HHLA1: variants seen among roughly 807,000 people sequenced by gnomAD.
HHLA1 encodes the protein HHLA1 neighbor of OC90.
Under a neutral mutation model 69.9 loss-of-function variants are expected in HHLA1, and 72 were observed. The observed-to-expected ratio is 1.03, with a 90% CI of 0.85 to 1.25. The LOEUF is 1.25. Ranked by LOEUF, HHLA1 falls within the 50% of genes most tolerant of loss-of-function variation. The probability of loss-of-function intolerance (pLI) is 0.00; values close to 1 mark genes in which losing one functional copy is unlikely to be tolerated. For missense variants in HHLA1, 685 were observed against 642.2 expected (o/e 1.07, Z -0.72); for synonymous variants, 252 against 233.2 (o/e 1.08, Z -0.73).
In HHLA1 at chr8:132,076,182, G is replaced by A. The variant is rs1003898633; in HGVS notation, c.1241-53C>T. On this transcript the variant is annotated intron_variant, in intron 13 of 16. Coordinates refer to ENST00000414222, the MANE Select transcript of HHLA1 (RefSeq NM_001145095.3). ...AAGTCAGAATGGAATTACCTTAGGT[G>A]ATACACACAGCAAGAAATTTATAAC... 27 of 1,210,154 alleles carry A rather than the reference G, an allele frequency of 2.2e-5. No homozygotes were observed. The African/African-American group carries it at 2.3e-4, about 10-fold the overall frequency. The allele number at this position is 1,210,154 out of a possible 1,614,324, so 75.0% of individuals were successfully genotyped here.
intron 16 of HHLA1, among the ~76,000 whole-genome samples, chr8:132,065,389 C>A (rs1823416198): frequency 6.6e-6 from 1 of 152,170 alleles, no homozygotes; most frequent in Non-Finnish European, 1.5e-5. Flanking sequence ...TCATGCCATT[C>A]TCCTGCCTCA....
intron 7 of HHLA1, among the ~76,000 whole-genome samples, chr8:132,090,296 C>T (rs1823927122): frequency 6.6e-6 from 1 of 152,168 alleles, no homozygotes; most frequent in South Asian, 2.1e-4. Flanking sequence ...TTCTTCTAGT[C>T]AAACAGCTGT....
At chr8:132,092,689 C>G (rs1236344724) in intron 7 of HHLA1, among the ~76,000 whole-genome samples, 1 of 152,224 alleles carries the variant, frequency 6.6e-6, no homozygotes, top group Admixed American at 6.5e-5. Context: ...AGCAGAAGCA[C>G]TCATGCTTCC....
intron 12 of HHLA1, among the ~76,000 whole-genome samples, 177 bp from the exon 13 acceptor site, chr8:132,076,720 A>G (rs1158285247): frequency 6.6e-6 from 1 of 152,158 alleles, no homozygotes; most frequent in Non-Finnish European, 1.5e-5. Context: ...AGTGTGAAAA[A>G]GGAAATGGGA....
At chr8:132,088,782 C>T (rs1167982023) in intron 8 of HHLA1, among the ~76,000 whole-genome samples, 1 of 152,228 alleles carries the variant, frequency 6.6e-6, no homozygotes, top group Non-Finnish European at 1.5e-5. Context: ...ATTTACTTAA[C>T]CCCTCTGTGA....
intron 14 of HHLA1, among the ~76,000 whole-genome samples, chr8:132,072,000 A>G (rs1003499083): frequency 1.3e-5 from 2 of 151,966 alleles, no homozygotes; most frequent in African/African-American, 2.4e-5. Flanking sequence ...GTGTGTGTGT[A>G]TGCACGTGCA....
intron 10 of HHLA1, among the ~76,000 whole-genome samples, chr8:132,082,396 C>T (rs1414321834): frequency 5.9e-5 from 9 of 152,158 alleles, no homozygotes; most frequent in Non-Finnish European, 1.0e-4. Context: ...GTGGTCCTGG[C>T]TCTTGTGTAA....
intron 14 of HHLA1, among the ~76,000 whole-genome samples, chr8:132,072,305 G>C (rs1256363015): frequency 6.6e-6 from 1 of 152,092 alleles, no homozygotes; most frequent in Non-Finnish European, 1.5e-5. Context: ...TCCTTATATG[G>C]AAAATAGGGA....
intron 10 of HHLA1, 85 bp downstream of exon 10, chr8:132,087,568 T>C: frequency 1.3e-6 from 1 of 796,192 alleles, no homozygotes; most frequent in Non-Finnish European, 2.1e-6. Context: ...ACACAACACC[T>C]GAGGGCAGCT....
At chr8:132,093,720 A>G (rs117778513) in intron 7 of HHLA1, among the ~76,000 whole-genome samples, 4,223 of 152,326 alleles carry the variant, frequency 0.028, 93 homozygotes, top group South Asian at 0.062. Flanking sequence ...CTCCAGGCAG[A>G]TTTAACTTTT....
At position 132,066,146 on chromosome 8, in the gene HHLA1, GGAA is replaced by G. The variant is rs146548284; in HGVS notation, c.1470-181_1470-179del. Among the ~76,000 whole-genome samples the G allele has an allele frequency of 9.7e-3, 1,483 of 152,264 alleles. 24 individuals carry two copies. The highest frequency in any genetic ancestry group is 0.034 in the African/African-American group (1,413 of 41,528). On this transcript the variant is annotated intron_variant, in intron 15 of 16. Transcript: ENST00000414222. The stretch of plus-strand genomic sequence containing the variant: ...GAGAGATAGGAAAGAAGGCTGGGTA[GGAA>G]GAAGTTCAGACTTTGGGGCCAGCAA...
chr8:132,072,604 T>A (rs538216841), intron 14 of HHLA1, among the ~76,000 whole-genome samples: 1 of 152,232 alleles, frequency 6.6e-6, no homozygotes, highest in African/African-American at 2.4e-5. Flanking sequence ...CCAACAAAGG[T>A]TCACTAATCA....
chr8:132,109,656 G>T (rs554401860), intron 1 of HHLA1, among the ~76,000 whole-genome samples: 1 of 152,184 alleles, frequency 6.6e-6, no homozygotes, highest in African/African-American at 2.4e-5. Context: ...GGGTTCTGAC[G>T]TGCAGCCCCC....
chr8:132,063,974 C>A lies in HHLA1; in HGVS notation c.*21G>T, dbSNP rs181598040. On this transcript the variant is annotated 3_prime_UTR_variant, in exon 17 of 17. Coordinates refer to ENST00000414222, the MANE Select transcript of HHLA1 (RefSeq NM_001145095.3). The stretch of plus-strand genomic sequence containing the variant: ...GTATCCCCTGAAGTAATTGTTATGC[C>A]CTAGTGTTATTTTCAAGGCCTCACA... The A allele has an allele frequency of 1.6e-6, 2 of 1,284,476 alleles. No individual in the cohort carries two copies. The highest frequency in any genetic ancestry group is 4.6e-5 in the Admixed American group (2 of 43,224). 79.6% of individuals were successfully genotyped at this position (1,284,476 alleles called of 1,614,324 possible).
intron 15 of HHLA1, among the ~76,000 whole-genome samples, chr8:132,067,755 C>A (rs1402341206): frequency 6.6e-6 from 1 of 152,142 alleles, no homozygotes. Flanking sequence ...CTGCTGCTAC[C>A]CTTTTACATG....
intron 16 of HHLA1, among the ~76,000 whole-genome samples, chr8:132,064,689 G>T (rs1823406539): frequency 6.6e-6 from 1 of 152,172 alleles, no homozygotes; most frequent in African/African-American, 2.4e-5. Flanking sequence ...AGAGGTAAAT[G>T]GAAACACAGA....
rs1457789483 is a variant in HHLA1, at chr8:132,077,968, G to C, written c.929C>G (p.Thr310Ser). The C allele has an allele frequency of 6.4e-7, 1 of 1,551,542 alleles. No individual in the cohort carries two copies. Among genetic ancestry groups the C allele is most frequent in the East Asian group, 2.4e-5 (1 of 40,906 alleles). Reference protein sequence around the residue: ...SASHTLPALATRRVARTQWLT... With the variant: ...SASHTLPALASRRVARTQWLT... Reference sequence around the variant, plus strand: ...CCACTGAGTTCTGGCCACCCTCCTGGTAGCTGCACATTCAAAGTGACAGTA... The same window carrying C: ...CCACTGAGTTCTGGCCACCCTCCTGCTAGCTGCACATTCAAAGTGACAGTA... Residue 310 changes from threonine to serine, a missense_variant, in exon 12 of 17, where the codon ACC (threonine) becomes AGC (serine). Transcript: ENST00000414222.
intron 7 of HHLA1, among the ~76,000 whole-genome samples, chr8:132,093,130 G>T (rs978061166): frequency 1.3e-5 from 2 of 152,164 alleles, no homozygotes; most frequent in Non-Finnish European, 2.9e-5. Flanking sequence ...ATTAGCTGGG[G>T]TACATAGGTA....
chr8:132,070,284 T>C (rs1480083479), intron 15 of HHLA1: 1 of 701,262 alleles, frequency 1.4e-6, no homozygotes, highest in Non-Finnish European at 2.6e-6. Flanking sequence ...AAAATGTCCA[T>C]GTCTAGACCT....
Sources: allele counts gnomAD v4.1 joint callset (sites outside exome capture counted in the v4.1 genomes callset), GRCh38; gene constraint gnomAD v4.1.1; transcripts MANE v1.5; gene names NCBI Gene and HGNC (gene_info 2026-07-23, HGNC 2026-07-21).